CHN1: variants seen among roughly 807,000 people sequenced by gnomAD.
CHN1 encodes the protein chimerin 1.
In CHN1, 37 loss-of-function variants were observed where a neutral mutation model predicts 59.5. The ratio of observed to expected loss-of-function variants is 0.62; its 90% CI spans 0.48 to 0.82. CHN1 has a LOEUF of 0.82. Among genes scored for constraint, CHN1 ranks in the 40% least tolerant of loss-of-function variants. The probability of loss-of-function intolerance (pLI) is 0.00; values close to 1 mark genes in which losing one functional copy is unlikely to be tolerated. For synonymous variants in CHN1, 206 were observed against 200.4 expected (o/e 1.03, Z -0.24); for missense variants, 469 against 571.0 (o/e 0.82, Z 1.82).
chr2:174,895,205 TATATATATACACACACACACACAC>T (rs912556540), intron 5 of CHN1, among the ~76,000 whole-genome samples: 1 of 143,256 alleles, frequency 7.0e-6, no homozygotes, highest in African/African-American at 2.6e-5. Context: ...TGTGTATATA[TATATATATACACACACACACACAC>T]ACACACACAC....
chr2:174,991,930 T>C lies in CHN1; in HGVS notation c.19+12964A>G, dbSNP rs1691559081. Among the ~76,000 whole-genome samples, 6 of 152,290 alleles carry C rather than the reference T, an allele frequency of 3.9e-5. No individual in the cohort carries two copies. The South Asian group carries it at 1.2e-3, about 32-fold the overall frequency. On this transcript the variant is annotated intron_variant, in intron 1 of 12. Coordinates refer to ENST00000409900, the MANE Select transcript of CHN1 (RefSeq NM_001822.7). Reference sequence around the variant, plus strand: ...AATGAAAAAGAAATGAATCTTACTTTAGAGAAACTGTCAGTCTAGAAAAGA... The same window carrying C: ...AATGAAAAAGAAATGAATCTTACTTCAGAGAAACTGTCAGTCTAGAAAAGA...
intron 6 of CHN1, among the ~76,000 whole-genome samples, chr2:174,864,928 T>C (rs1301319162): frequency 3.3e-5 from 5 of 152,152 alleles, no homozygotes; most frequent in Admixed American, 3.3e-4. Flanking sequence ...TTATGTGTAA[T>C]TTACACAACC....
chr2:174,846,534 A>G, intron 7 of CHN1: 1 of 1,328,060 alleles, frequency 7.5e-7, no homozygotes, highest in Non-Finnish European at 1.0e-6. Flanking sequence ...TAATCCTCTC[A>G]TAAAATCTCC....
At chr2:174,980,354 G>T (rs902380375) in intron 1 of CHN1, among the ~76,000 whole-genome samples, 1 of 152,068 alleles carries the variant, frequency 6.6e-6, no homozygotes, top group African/African-American at 2.4e-5. Flanking sequence ...TGCTATAATT[G>T]CATTTGATCA....
intron 5 of CHN1, among the ~76,000 whole-genome samples, chr2:174,881,813 G>C (rs190398629): frequency 8.5e-5 from 13 of 152,324 alleles, no homozygotes; most frequent in Middle Eastern, 3.4e-3. Context: ...TGGTTAAATA[G>C]AGTGGGAAGA....
chr2:174,826,167 T>C (rs1685673807), intron 7 of CHN1, among the ~76,000 whole-genome samples: 1 of 152,068 alleles, frequency 6.6e-6, no homozygotes, highest in South Asian at 2.1e-4. Context: ...TGGAGGAGGG[T>C]CAGGAATGCA....
intron 1 of CHN1, among the ~76,000 whole-genome samples, chr2:174,983,671 T>C (rs1321680823): frequency 6.6e-6 from 1 of 151,538 alleles, no homozygotes; most frequent in Non-Finnish European, 1.5e-5. Context: ...CTATGAAAAA[T>C]ACAAAAATTA....
At chr2:174,859,145 C>T (rs575745841) in intron 6 of CHN1, among the ~76,000 whole-genome samples, 1 of 152,148 alleles carries the variant, frequency 6.6e-6, no homozygotes, top group East Asian at 1.9e-4. Context: ...CACTAAAATG[C>T]CCCTAATAGC....
intron 1 of CHN1, among the ~76,000 whole-genome samples, chr2:174,983,279 T>G (rs78093511): frequency 0.031 from 4,719 of 152,304 alleles, 97 homozygotes; most frequent in Non-Finnish European, 0.049. Flanking sequence ...GTTACACTTT[T>G]GTTTTAAAAA....
At chr2:175,004,695 G>C (rs1392956884) in intron 1 of CHN1, among the ~76,000 whole-genome samples, 199 bp downstream of exon 1, 1 of 151,954 alleles carries the variant, frequency 6.6e-6, no homozygotes. Context: ...CACGCCCATC[G>C]GCCCTGCCGG....
intron 1 of CHN1, among the ~76,000 whole-genome samples, chr2:174,998,857 TTCTA>T (rs1178516809): frequency 1.3e-5 from 2 of 152,208 alleles, no homozygotes; most frequent in Non-Finnish European, 2.9e-5. Context: ...CATTCTTTTC[TTCTA>T]TCTAATCTTT....
rs1368524960 is a variant in CHN1 at position 174,904,119 on chromosome 2, T to C, written c.260+10939A>G. Among the ~76,000 whole-genome samples, 2 of 151,536 alleles carry C rather than the reference T, an allele frequency of 1.3e-5. 1 individual carries two copies. The highest frequency in any genetic ancestry group is 2.9e-5 in the Non-Finnish European group (2 of 67,878). On this transcript the variant is annotated intron_variant, in intron 5 of 12. Transcript: ENST00000409900. ...CTCTACTAAAAAATACAAAATTAGC[T>C]GGGCATGGTGGTGCATGCCTGTAGT... is the stretch of plus-strand genomic sequence containing the variant.
chr2:174,888,349 C>T (rs1048444418), intron 5 of CHN1, among the ~76,000 whole-genome samples: 1 of 152,008 alleles, frequency 6.6e-6, no homozygotes, highest in Non-Finnish European at 1.5e-5. Flanking sequence ...GAAATAAGAG[C>T]AGATGGGGAA....
At chr2:174,898,939 T>C (rs1688302093) in intron 5 of CHN1, among the ~76,000 whole-genome samples, 1 of 152,182 alleles carries the variant, frequency 6.6e-6, no homozygotes, top group African/African-American at 2.4e-5. Context: ...GTTACAATGA[T>C]ATAGGAAAAA....
intron 1 of CHN1, among the ~76,000 whole-genome samples, chr2:174,995,189 G>A (rs906177813): frequency 5.3e-5 from 8 of 152,086 alleles, no homozygotes; most frequent in African/African-American, 9.7e-5. Flanking sequence ...AATTTTAAGC[G>A]TTATGAGGGC....
chr2:174,950,772 G>C (rs533471358), intron 2 of CHN1, among the ~76,000 whole-genome samples: 40 of 149,170 alleles, frequency 2.7e-4, no homozygotes, highest in African/African-American at 9.2e-4. Flanking sequence ...AGAAAATGCA[G>C]AGAAGTTTTT....
intron 5 of CHN1, among the ~76,000 whole-genome samples, chr2:174,907,602 T>C (rs1688576398): frequency 6.6e-6 from 1 of 151,146 alleles, no homozygotes; most frequent in African/African-American, 2.4e-5. Flanking sequence ...AAAATAAAAA[T>C]AGCTCTTTTG....
chr2:174,826,283 A>G (rs1685677446), intron 7 of CHN1, among the ~76,000 whole-genome samples: 1 of 152,316 alleles, frequency 6.6e-6, no homozygotes, highest in South Asian at 2.1e-4. Context: ...GATACTCTGT[A>G]ATGTCCCTGT....
rs1189831516 is a variant in CHN1 at position 174,798,963 on chromosome 2, G to T, written c.*1153C>A. Among the ~76,000 whole-genome samples the T allele has an allele frequency of 1.3e-5, 2 of 152,230 alleles. No homozygotes were observed. Among genetic ancestry groups the T allele is most frequent in the Admixed American group, 1.3e-4 (2 of 15,286 alleles). On this transcript the variant is annotated 3_prime_UTR_variant, in exon 13 of 13. Coordinates refer to ENST00000409900, the MANE Select transcript of CHN1 (RefSeq NM_001822.7). ...AGTGGTAGTACCAGGCCCAGAATCT[G>T]GGCTCCTGGCCCCTAGCTGCAGACC...
Sources: allele counts gnomAD v4.1 joint callset (sites outside exome capture counted in the v4.1 genomes callset), GRCh38; gene constraint gnomAD v4.1.1; transcripts MANE v1.5; gene names NCBI Gene and HGNC (gene_info 2026-07-23, HGNC 2026-07-21).